The following NFASC variants were observed in gnomAD, a reference collection of about 807,000 sequenced individuals.
NFASC encodes neurofascin homolog.
A neutral mutation model predicts 147.5 loss-of-function variants in NFASC; 43 were observed. The ratio of observed to expected loss-of-function variants is 0.29; its 90% CI spans 0.23 to 0.38. NFASC has a LOEUF of 0.38. Among genes scored for constraint, NFASC ranks in the 10% least tolerant of loss-of-function variants. The pLI is 1.00. For missense variants in NFASC, 1,320 were observed against 1,689.0 expected (o/e 0.78, Z 3.83); for synonymous variants, 622 against 665.5 (o/e 0.93, Z 1.01).
At chr1:204,970,064 G>T in intron 10 of NFASC, among the ~76,000 whole-genome samples, 1 of 101,614 alleles carries the variant, frequency 9.8e-6, no homozygotes. Flanking sequence ...GACAGAGCAA[G>T]ACTCCATCTC....
chr1:205,014,109 G>A (rs2096300499), intron 29 of NFASC, among the ~76,000 whole-genome samples: 1 of 152,226 alleles, frequency 6.6e-6, no homozygotes, highest in Admixed American at 6.5e-5. Flanking sequence ...TGCAGCCAGA[G>A]AGGAGGAGCT....
At chr1:204,921,683 C>T (rs774644109) in intron 2 of NFASC, among the ~76,000 whole-genome samples, 6 of 152,116 alleles carry the variant, frequency 3.9e-5, no homozygotes, top group Non-Finnish European at 8.8e-5. Context: ...CTCTAGGCCT[C>T]AGTTTCCTAG....
At chr1:204,929,891 T>C (rs1299793330) in intron 2 of NFASC, among the ~76,000 whole-genome samples, 1 of 152,216 alleles carries the variant, frequency 6.6e-6, no homozygotes, top group Non-Finnish European at 1.5e-5. Flanking sequence ...GGCCTTCAGA[T>C]GCCTGTGAGC....
intron 1 of NFASC, among the ~76,000 whole-genome samples, chr1:204,873,247 C>G (rs1223320145): frequency 1.3e-5 from 2 of 152,184 alleles, no homozygotes; most frequent in East Asian, 1.9e-4. Flanking sequence ...GACATTTTCT[C>G]TCTTGGGATT....
rs1285628060 is a variant in NFASC at position 204,970,098 on chromosome 1, AAG to A, written c.1004-516_1004-515del. 3.6e-3 allele frequency among the ~76,000 whole-genome samples: 536 copies of A among 150,740 alleles called. 4 individuals carry two copies. The highest frequency in any genetic ancestry group is 0.012 in the African/African-American group (485 of 40,876). ...TCAAAAAAAAAAAAAAAAAAAAAAA[AAG>A]AACTACTCTAACCAAAATTCAGTGC... On this transcript the variant is annotated intron_variant, in intron 10 of 29. Transcript: ENST00000339876.
At chr1:204,842,067 G>A (rs142804148) in intron 1 of NFASC, among the ~76,000 whole-genome samples, 1 of 152,054 alleles carries the variant, frequency 6.6e-6, no homozygotes, top group Non-Finnish European at 1.5e-5. Context: ...ACCTTATTAG[G>A]TATTTGCTGA....
At chr1:204,865,604 G>A (rs1262863024) in intron 1 of NFASC, among the ~76,000 whole-genome samples, 1 of 152,176 alleles carries the variant, frequency 6.6e-6, no homozygotes, top group Non-Finnish European at 1.5e-5. Context: ...GGGTTTATTT[G>A]TGGACTCTCA....
At chr1:204,922,927 G>A (rs904966382) in intron 2 of NFASC, among the ~76,000 whole-genome samples, 4 of 152,210 alleles carry the variant, frequency 2.6e-5, no homozygotes, top group African/African-American at 9.7e-5. Context: ...CCGTGCACCA[G>A]GCACTGTGCC....
At chr1:204,883,015 T>C (rs954842609) in intron 1 of NFASC, among the ~76,000 whole-genome samples, 3 of 151,834 alleles carry the variant, frequency 2.0e-5, no homozygotes, top group Admixed American at 2.0e-4. Context: ...CTGGAGGCCA[T>C]GGATAAGGGC....
chr1:204,979,804 C>A lies in NFASC; in HGVS notation c.2176+245C>A, dbSNP rs1398604799. On this transcript the variant is annotated intron_variant, in intron 19 of 29. Transcript: ENST00000339876. The surrounding 1 kb of genome is among the most constrained non-coding windows in gnomAD (Gnocchi z 6.0). Reference sequence around the variant, plus strand: ...TGAGCACATGATAAATGCTAACTTCCATTTTTATTATTAGTAATTCTTGAT... The same window carrying A: ...TGAGCACATGATAAATGCTAACTTCAATTTTTATTATTAGTAATTCTTGAT... 6.6e-6 allele frequency among the ~76,000 whole-genome samples: 1 copy of A among 152,178 alleles called. No individual in the cohort carries two copies. Among genetic ancestry groups the A allele is most frequent in the African/African-American group, 2.4e-5 (1 of 41,442 alleles).
intron 1 of NFASC, among the ~76,000 whole-genome samples, chr1:204,916,739 T>TG (rs58495073): frequency 1.2e-5 from 1 of 82,272 alleles, no homozygotes; most frequent in Non-Finnish European, 2.8e-5. Context: ...TTTTGTTTTT[T>TG]TATTTTTATT....
Position 204,997,199 on chromosome 1 carries a change from G to C in NFASC, c.2812G>C (p.Gly938Arg), listed in dbSNP as rs202164588. ...APPTLPPTTV[G>R]ATGAVSSTDA... ...TCCCACATTGCCCCCGACTACCGTG[G>C]GTGCGACGGGCGCTGTGAGCAGTAC... The change falls in exon 25 of 30, where the codon GGT (glycine) becomes CGT (arginine). Residue 938 changes from glycine to arginine, a missense_variant. Gly to Arg is a moderately radical substitution (Grantham distance 125). Coordinates refer to ENST00000339876, the MANE Select transcript of NFASC (RefSeq NM_001005388.3). The C allele has an allele frequency of 6.2e-7, 1 of 1,613,236 alleles. No individual in the cohort carries two copies. The highest frequency in any genetic ancestry group is 8.5e-7 in the Non-Finnish European group (1 of 1,179,492).
intron 1 of NFASC, among the ~76,000 whole-genome samples, chr1:204,904,035 C>T (rs1287239116): frequency 2.0e-5 from 3 of 152,182 alleles, no homozygotes; most frequent in African/African-American, 7.2e-5. Context: ...AGCTAAGAAA[C>T]CTTGGACAAG....
chr1:204,868,938 G>A (rs769366302), intron 1 of NFASC, among the ~76,000 whole-genome samples: 1 of 152,176 alleles, frequency 6.6e-6, no homozygotes, highest in Admixed American at 6.5e-5. Context: ...CTCTTCCGGG[G>A]CAGAACTTTG....
rs527275997 is a variant in NFASC at position 204,986,580 on chromosome 1, A to G, written c.2471-838A>G. On this transcript the variant is annotated intron_variant, in intron 21 of 29. Transcript: ENST00000339876. The surrounding 1 kb of genome is among the most constrained non-coding windows in gnomAD (Gnocchi z 4.2). The stretch of plus-strand genomic sequence containing the variant: ...TGGCTCTGCAGAGGGATACCCAAGT[A>G]TAGCCCCGCCTTCTGCAGGCCTATG... 95 of 186,810 alleles carry G rather than the reference A, an allele frequency of 5.1e-4. No homozygotes were observed. Among genetic ancestry groups the G allele is most frequent in the African/African-American group, 2.1e-3 (92 of 43,474 alleles). The allele number at this position is 186,810 out of a possible 1,614,324, so 11.6% of individuals were successfully genotyped here.
intron 1 of NFASC, among the ~76,000 whole-genome samples, chr1:204,842,371 G>A (rs1017168653): frequency 2.6e-5 from 4 of 152,214 alleles, no homozygotes; most frequent in African/African-American, 9.6e-5. Flanking sequence ...AAAGTACAGA[G>A]TGTTTAAGCA....
Position 204,944,207 on chromosome 1 carries a change from CT to C in NFASC, c.-90-17del. 1 of 1,545,120 alleles carries C rather than the reference CT, an allele frequency of 6.5e-7. No individual in the cohort carries two copies. The highest frequency in any genetic ancestry group is 8.7e-7 in the Non-Finnish European group (1 of 1,147,934). On this transcript the variant is annotated intron_variant, in intron 2 of 29. Transcript: ENST00000339876. ...CAAGTTCATGAAAAACTCACTTGCTCTTATGTTTCTTTCCACAGCTGAGTGC... is the reference window on the plus strand; with the variant it reads ...CAAGTTCATGAAAAACTCACTTGCTCTATGTTTCTTTCCACAGCTGAGTGC...
chr1:204,932,314 T>A (rs1240397980), intron 2 of NFASC, among the ~76,000 whole-genome samples: 1 of 152,220 alleles, frequency 6.6e-6, no homozygotes, highest in Non-Finnish European at 1.5e-5. Flanking sequence ...AATATTTATT[T>A]CCATTTTTGA....
chr1:205,022,114 A>T lies in NFASC; in HGVS notation c.*5575A>T, dbSNP rs993021691. The T allele has an allele frequency of 2.0e-5, 3 of 152,650 alleles. No homozygotes were observed. Among genetic ancestry groups the T allele is most frequent in the Non-Finnish European group, 4.4e-5 (3 of 68,032 alleles). 9.5% of individuals were successfully genotyped at this position (152,650 alleles called of 1,614,324 possible). On this transcript the variant is annotated 3_prime_UTR_variant, in exon 30 of 30. Transcript: ENST00000339876. The stretch of plus-strand genomic sequence containing the variant: ...AGACTTCAGTGAAGCAATAAACACA[A>T]AACTCTGGGAGAAGATATCCAGAAT...
Sources: allele counts gnomAD v4.1 joint callset (sites outside exome capture counted in the v4.1 genomes callset), GRCh38; gene constraint gnomAD v4.1.1; non-coding constraint Gnocchi (gnomAD v3.1); transcripts MANE v1.5; gene names NCBI Gene and HGNC (gene_info 2026-07-23, HGNC 2026-07-21).